Variants in TRAPPC9 observed in about 807,000 individuals in gnomAD.
TRAPPC9 encodes trafficking protein particle complex subunit 9.
A neutral mutation model predicts 124.0 loss-of-function variants in TRAPPC9; 83 were observed. That is an observed-to-expected ratio of 0.67 (90% CI 0.56 to 0.80). The LOEUF (loss-of-function observed/expected upper bound fraction) is 0.80, where lower values mean the gene tolerates loss of function less well. TRAPPC9 is among the 30% of genes least tolerant of loss of function. TRAPPC9 has a pLI of 0.00. For synonymous variants in TRAPPC9, 638 were observed against 617.5 expected, an observed-to-expected ratio of 1.03 and a Z score of -0.49; for missense variants, 1,302 against 1,508.3, an observed-to-expected ratio of 0.86 and a Z score of 2.27.
intron 17 of TRAPPC9, among the ~76,000 whole-genome samples, chr8:140,174,062 G>C (rs552861907): frequency 6.6e-6 from 1 of 152,190 alleles, no homozygotes; most frequent in Non-Finnish European, 1.5e-5. Flanking sequence ...AGTTTGGGGG[G>C]TAAAGGGCAA....
At chr8:139,939,384 G>A (rs1273898407) in intron 19 of TRAPPC9, among the ~76,000 whole-genome samples, 1 of 152,172 alleles carries the variant, frequency 6.6e-6, no homozygotes, top group East Asian at 1.9e-4. Flanking sequence ...GAAGCGGGGC[G>A]AGCCAGAGAG....
chr8:140,072,593 AAGG>A (rs139221264), intron 17 of TRAPPC9, among the ~76,000 whole-genome samples: 57,748 of 140,918 alleles, frequency 0.41, 11,977 homozygotes, highest in Admixed American at 0.44. Context: ...AGGAGAAGGG[AAGG>A]AGGAGGAGGA....
chr8:140,438,483 G>A (rs2070895050), intron 3 of TRAPPC9, among the ~76,000 whole-genome samples: 1 of 152,136 alleles, frequency 6.6e-6, no homozygotes, highest in South Asian at 2.1e-4. Flanking sequence ...AAAGCAGAGG[G>A]CAAGGTATAC....
rs1563706552 is a variant in TRAPPC9 at position 140,033,658 on chromosome 8, G to GTTTTTTGTTTTTTT, written c.2557-9580_2557-9579insAAAAAAACAAAAAA. On this transcript the variant is annotated intron_variant, in intron 17 of 22. Transcript: ENST00000438773. ...TTGAAATGCAACTCTTCATAATGTG[G>GTTTTTTGTTTTTTT]TTTTTTTTTTTTTTTTTTTTTTTTT... Among the ~76,000 whole-genome samples the GTTTTTTGTTTTTTT allele has an allele frequency of 1.9e-4, 8 of 42,396 alleles. 2 individuals carry two copies. The highest frequency in any genetic ancestry group is 2.6e-3 in the South Asian group (2 of 784). 27.8% of individuals were successfully genotyped at this position (42,396 alleles called of 152,430 possible).
chr8:139,979,875 G>A (rs1391213621), intron 19 of TRAPPC9, among the ~76,000 whole-genome samples: 2 of 152,108 alleles, frequency 1.3e-5, no homozygotes, highest in Admixed American at 1.3e-4. Context: ...GGCAAGTGAC[G>A]CCCTGACTCC....
intron 21 of TRAPPC9, among the ~76,000 whole-genome samples, chr8:139,738,473 A>G (rs1291843698): frequency 6.6e-6 from 1 of 152,204 alleles, no homozygotes; most frequent in Non-Finnish European, 1.5e-5. Flanking sequence ...AGTAGGCCCA[A>G]TGGCGTCAGG....
chr8:139,983,316 G>A (rs765058017), intron 19 of TRAPPC9, among the ~76,000 whole-genome samples: 1 of 152,070 alleles, frequency 6.6e-6, no homozygotes, highest in African/African-American at 2.4e-5. Context: ...AATAATTTTC[G>A]GTTGTTTATA....
At chr8:140,416,819 T>C (rs570469081) in intron 5 of TRAPPC9, among the ~76,000 whole-genome samples, 1 of 152,290 alleles carries the variant, frequency 6.6e-6, no homozygotes, top group Non-Finnish European at 1.5e-5. Context: ...CTTCAAACTA[T>C]ACTACAAGTC....
intron 9 of TRAPPC9, 133 bp downstream of exon 9, chr8:140,359,917 T>C (rs929551776): frequency 1.8e-5 from 23 of 1,298,650 alleles, no homozygotes; most frequent in Non-Finnish European, 2.4e-5. Flanking sequence ...GGCAGGGACC[T>C]TGTCACTGAC....
intron 17 of TRAPPC9, among the ~76,000 whole-genome samples, chr8:140,161,937 G>A (rs1325847159): frequency 6.6e-6 from 1 of 152,132 alleles, no homozygotes; most frequent in Non-Finnish European, 1.5e-5. Context: ...AGGCAGACGG[G>A]CAGCCTCCCG....
Position 140,093,209 on chromosome 8 carries a change from T to C in TRAPPC9, c.2557-69130A>G, listed in dbSNP as rs1056398250. ...ACCAATACTTCTTGACAGAGATTCA[T>C]GTTCTCTGCATTCCCTGGAGGTGCA... On this transcript the variant is annotated intron_variant, in intron 17 of 22. Coordinates refer to ENST00000438773, the MANE Select transcript of TRAPPC9 (RefSeq NM_001160372.4). 3.9e-5 allele frequency among the ~76,000 whole-genome samples: 6 copies of C among 152,198 alleles called. No individual in the cohort carries two copies. The East Asian group carries it at 5.8e-4, about 15-fold the overall frequency.
chr8:140,217,648 G>T (rs181212953), intron 17 of TRAPPC9, among the ~76,000 whole-genome samples: 1 of 152,276 alleles, frequency 6.6e-6, no homozygotes, highest in African/African-American at 2.4e-5. Context: ...GCCTGCCTGT[G>T]CCAGTGAATC....
intron 17 of TRAPPC9, among the ~76,000 whole-genome samples, chr8:140,209,818 A>G (rs901120553): frequency 2.6e-5 from 4 of 152,234 alleles, no homozygotes; most frequent in African/African-American, 7.2e-5. Context: ...GTTTGAATTG[A>G]GACAGAATGT....
intron 21 of TRAPPC9, among the ~76,000 whole-genome samples, chr8:139,812,227 A>G (rs749492798): frequency 1.6e-4 from 24 of 152,226 alleles, no homozygotes; most frequent in Non-Finnish European, 3.1e-4. Flanking sequence ...AGAAAAAGCA[A>G]AAAAAACTGT....
chr8:139,745,503 G>A (rs903449331), intron 21 of TRAPPC9, among the ~76,000 whole-genome samples: 5 of 152,242 alleles, frequency 3.3e-5, no homozygotes, highest in South Asian at 2.1e-4. Flanking sequence ...GCTCAGCTCC[G>A]CCTTCAGCAC....
At chr8:139,737,828 G>A (rs988286494) in intron 21 of TRAPPC9, among the ~76,000 whole-genome samples, 6 of 152,160 alleles carry the variant, frequency 3.9e-5, no homozygotes, top group Admixed American at 1.3e-4. Flanking sequence ...GTTAGGGGCC[G>A]CTTGATCCTA....
intron 21 of TRAPPC9, among the ~76,000 whole-genome samples, chr8:139,834,524 C>T (rs1032034737): frequency 1.2e-4 from 18 of 152,262 alleles, no homozygotes; most frequent in African/African-American, 3.1e-4. Context: ...AGCAGGCAGG[C>T]GGAACGTGGC....
Position 140,218,917 on chromosome 8 carries a change from A to T in TRAPPC9, c.2556+2542T>A, listed in dbSNP as rs528630611. On this transcript the variant is annotated intron_variant, in intron 17 of 22. Coordinates refer to ENST00000438773, the MANE Select transcript of TRAPPC9 (RefSeq NM_001160372.4). Reference sequence around the variant, plus strand: ...AGAGACTTCAGTGAGCCGAGATCGCACCACTGCACTCCAGCCTAGGTGACA... The same window carrying T: ...AGAGACTTCAGTGAGCCGAGATCGCTCCACTGCACTCCAGCCTAGGTGACA... 5.3e-5 allele frequency among the ~76,000 whole-genome samples: 8 copies of T among 152,072 alleles called. No individual in the cohort carries two copies. The South Asian group carries it at 1.7e-3, about 32-fold the overall frequency.
intron 17 of TRAPPC9, among the ~76,000 whole-genome samples, chr8:140,027,269 A>G (rs760620918): frequency 5.9e-5 from 9 of 152,192 alleles, no homozygotes; most frequent in Non-Finnish European, 8.8e-5. Context: ...TAATAAATAA[A>G]TGAAGCCAAC....
Sources: gnomAD v4.1 joint callset for allele counts (sites outside exome capture counted in the v4.1 genomes callset) on GRCh38, gnomAD v4.1.1 for gene constraint, MANE v1.5 for transcripts, NCBI Gene and HGNC (gene_info 2026-07-23, HGNC 2026-07-21) for gene names.